The following ZMIZ1 variants were observed in gnomAD, a reference collection of about 807,000 sequenced individuals.
ZMIZ1 encodes the protein zinc finger MIZ-type containing 1, also known as zinc finger MIZ domain-containing protein 1.
ZMIZ1 carries 17 observed loss-of-function variants against 113.9 expected under a neutral mutation model. The ratio of observed to expected loss-of-function variants is 0.15; its 90% CI spans 0.10 to 0.22. ZMIZ1 has a LOEUF of 0.22. ZMIZ1 is among the 10% of genes least tolerant of loss of function. The pLI is 1.00. For missense variants in ZMIZ1, 1,059 were observed against 1,477.8 expected (o/e 0.72, Z 4.65); for synonymous variants, 607 against 603.1 (o/e 1.01, Z -0.09).
At chr10:79,121,441 A>G (rs1193650281) in intron 2 of ZMIZ1, among the ~76,000 whole-genome samples, 1 of 152,216 alleles carries the variant, frequency 6.6e-6, no homozygotes, top group Non-Finnish European at 1.5e-5. Context: ...ATTCCCAGGC[A>G]TACCTGCCAT....
chr10:79,141,305 C>T (rs1245988775), intron 3 of ZMIZ1, among the ~76,000 whole-genome samples: 2 of 152,170 alleles, frequency 1.3e-5, no homozygotes, highest in Non-Finnish European at 2.9e-5. Context: ...GCCCTTACGG[C>T]GCTTGTACTC....
chr10:79,192,922 T>TCCATCCCTCTC (rs1403670768), intron 4 of ZMIZ1, among the ~76,000 whole-genome samples: 1 of 152,116 alleles, frequency 6.6e-6, no homozygotes, highest in Non-Finnish European at 1.5e-5. Context: ...AGCTGCCTCT[T>TCCATCCCTCTC]CCATCCCTCT....
At chr10:79,230,271 G>C (rs1033724894) in intron 7 of ZMIZ1, among the ~76,000 whole-genome samples, 1 of 150,036 alleles carries the variant, frequency 6.7e-6, no homozygotes, top group Non-Finnish European at 1.5e-5. Flanking sequence ...CCACTGCTCC[G>C]TGCACCACAG....
intron 8 of ZMIZ1, among the ~76,000 whole-genome samples, chr10:79,281,934 A>G (rs966436742): frequency 3.3e-5 from 5 of 152,202 alleles, no homozygotes; most frequent in African/African-American, 9.7e-5. Context: ...TGTTAACCCA[A>G]TTTGGAGGGT....
At chr10:79,104,950 GGTGTGTGTGT>G (rs58453718) in intron 1 of ZMIZ1, among the ~76,000 whole-genome samples, 2,137 of 140,180 alleles carry the variant, frequency 0.015, 47 homozygotes, top group African/African-American at 0.052. Context: ...GTTGTTGTGG[GGTGTGTGTGT>G]GTGTGTGTGT....
intron 4 of ZMIZ1, among the ~76,000 whole-genome samples, chr10:79,175,807 G>A (rs1411043487): frequency 3.9e-5 from 6 of 151,950 alleles, no homozygotes; most frequent in South Asian, 2.1e-4. Context: ...AGGCAGCCCC[G>A]GCATTCCTGG....
intron 4 of ZMIZ1, among the ~76,000 whole-genome samples, chr10:79,166,854 C>T (rs540253878): frequency 6.6e-5 from 10 of 152,376 alleles, no homozygotes; most frequent in Admixed American, 2.0e-4. Context: ...CCTCGGTCCC[C>T]GGCCTTGGTC....
intron 2 of ZMIZ1, among the ~76,000 whole-genome samples, chr10:79,137,060 A>T (rs1170548330): frequency 1.3e-5 from 2 of 152,232 alleles, no homozygotes; most frequent in South Asian, 4.1e-4. Flanking sequence ...TTCTAAATAT[A>T]TATTTGTAAT....
At chr10:79,272,924 G>A (rs539658798) in intron 7 of ZMIZ1, among the ~76,000 whole-genome samples, 1 of 152,244 alleles carries the variant, frequency 6.6e-6, no homozygotes, top group Non-Finnish European at 1.5e-5. Flanking sequence ...AGGTGAGCTG[G>A]AAGGCCCCAA....
intron 4 of ZMIZ1, among the ~76,000 whole-genome samples, chr10:79,167,722 G>T (rs1193975435): frequency 1.3e-5 from 2 of 152,178 alleles, no homozygotes; most frequent in Non-Finnish European, 2.9e-5. Context: ...CCACGTATTG[G>T]CCAGTCCTGC....
chr10:79,311,017 C>T lies in ZMIZ1; in HGVS notation c.2929C>T (p.His977Tyr). 1 of 1,613,986 alleles carries T rather than the reference C, an allele frequency of 6.2e-7. No individual in the cohort carries two copies. The highest frequency in any genetic ancestry group is 8.5e-7 in the Non-Finnish European group (1 of 1,180,028). Residue 977 changes from histidine (H) to tyrosine (Y), a missense_variant, in exon 24 of 25, where the codon CAT becomes TAT. Transcript: ENST00000334512. ...HPSSQSGPPLHHSGAPPPPPS... is the reference protein window; with the variant it reads ...HPSSQSGPPLYHSGAPPPPPS... The stretch of plus-strand genomic sequence containing the variant: ...CAGCAGCCAGTCAGGGCCTCCATTA[C>T]ATCACAGTGGGGCTCCTCCTCCTCC...
intron 4 of ZMIZ1, among the ~76,000 whole-genome samples, chr10:79,187,985 G>A (rs1209539622): frequency 6.6e-6 from 1 of 152,218 alleles, no homozygotes; most frequent in African/African-American, 2.4e-5. Flanking sequence ...TCTTGGGCAA[G>A]TTCCTTAGTT....
Position 79,173,084 on chromosome 10 carries a change from C to G in ZMIZ1, c.-50+10951C>G, listed in dbSNP as rs1490441256. ...GGCTCTGCACCAAGAATGAGCTGAC[C>G]CTGGACACCCTGGGGCCTGGGCTGC... On this transcript the variant is annotated intron_variant, in intron 4 of 24. Transcript: ENST00000334512. Among the ~76,000 whole-genome samples, 3 of 152,100 alleles carry G rather than the reference C, an allele frequency of 2.0e-5. No individual in the cohort carries two copies. The East Asian group carries it at 5.8e-4, about 29-fold the overall frequency.
chr10:79,166,783 G>A (rs558718577), intron 4 of ZMIZ1, among the ~76,000 whole-genome samples: 9 of 152,362 alleles, frequency 5.9e-5, no homozygotes, highest in African/African-American at 2.2e-4. Flanking sequence ...GGCCCAGAGG[G>A]TCTCAGTGGC....
In ZMIZ1 at chr10:79,311,147, C is replaced by T. The variant is rs540048667; in HGVS notation, c.3059C>T (p.Ala1020Val). The T allele has an allele frequency of 6.5e-5, 105 of 1,613,512 alleles. No homozygotes were observed. Among genetic ancestry groups the T allele is most frequent in the Non-Finnish European group, 8.1e-5 (95 of 1,179,938 alleles). The change falls in exon 24 of 25, where the codon GCG (alanine) becomes GTG (valine). Residue 1020 changes from alanine (A) to valine (V), a missense_variant. This residue lies in a region of ZMIZ1 where 225 missense variants were observed against 276.0 expected (regional missense o/e 0.82). Coordinates refer to ENST00000334512, the MANE Select transcript of ZMIZ1 (RefSeq NM_020338.4). ...TCAGCCTTAGAGGGTCAGGCCGGAG[C>T]GCAGGGAGCGTCCGACATGCCGGAG... ...PSSALEGQAG[A>V]QGASDMPEPS...
At chr10:79,179,516 C>A (rs1165192307) in intron 4 of ZMIZ1, among the ~76,000 whole-genome samples, 2 of 152,256 alleles carry the variant, frequency 1.3e-5, no homozygotes, top group African/African-American at 4.8e-5. Context: ...GGCAAAGAGG[C>A]CTGCCATCTA....
intron 1 of ZMIZ1, among the ~76,000 whole-genome samples, chr10:79,101,777 CAG>C (rs543274107): frequency 7.9e-5 from 12 of 152,318 alleles, no homozygotes; most frequent in East Asian, 1.9e-4. Context: ...CGTGGGGCCT[CAG>C]GGGCTGGAGC....
At chr10:79,230,238 G>T (rs2132774447) in intron 7 of ZMIZ1, among the ~76,000 whole-genome samples, 3 of 142,134 alleles carry the variant, frequency 2.1e-5, no homozygotes, top group Admixed American at 7.4e-5. Context: ...CACTTCCTTT[G>T]TCTCTCCCCT....
intron 7 of ZMIZ1, among the ~76,000 whole-genome samples, chr10:79,236,378 G>A (rs1158874013): frequency 1.8e-4 from 28 of 152,200 alleles, no homozygotes; most frequent in Admixed American, 1.8e-3. Flanking sequence ...AAGGCAAACT[G>A]CATTTCCAAC....
Sources: gnomAD v4.1 joint callset for allele counts (sites outside exome capture counted in the v4.1 genomes callset) on GRCh38, gnomAD v4.1.1 for gene constraint, gnomAD v4.1.1 regional missense constraint, MANE v1.5 for transcripts, NCBI Gene and HGNC (gene_info 2026-07-23, HGNC 2026-07-21) for gene names.